The following BLTP1 variants were observed in gnomAD, a reference collection of about 807,000 sequenced individuals.
BLTP1 encodes the protein bridge-like lipid transfer protein family member 1.
chr4:122,268,788 T>TC, the BLTP1 span, among the ~76,000 whole-genome samples: 1 of 152,174 alleles, frequency 6.6e-6, no homozygotes, highest in Non-Finnish European at 1.5e-5. Flanking sequence ...TAACTACATA[T>TC]TGTGCTTTCT....
At chr4:122,154,582 T>C in the BLTP1 span, among the ~76,000 whole-genome samples, 1 of 152,014 alleles carries the variant, frequency 6.6e-6, no homozygotes, top group Admixed American at 6.6e-5. Flanking sequence ...TAAGAAGAAA[T>C]TGAGAAAATG....
chr4:122,264,300 C>A, the BLTP1 span: 1 of 1,609,196 alleles, frequency 6.2e-7, no homozygotes, highest in Admixed American at 1.7e-5. Flanking sequence ...GATTTCAACA[C>A]TGTCTTGTCT....
the BLTP1 span, among the ~76,000 whole-genome samples, chr4:122,350,581 TATATA>T: frequency 6.6e-6 from 1 of 152,126 alleles, no homozygotes; most frequent in African/African-American, 2.4e-5. Flanking sequence ...ACTAACTAAA[TATATA>T]AGATAATTTC....
the BLTP1 span, among the ~76,000 whole-genome samples, chr4:122,327,693 C>G: frequency 6.6e-6 from 1 of 151,606 alleles, no homozygotes; most frequent in South Asian, 2.1e-4. Context: ...TTAAAAGATC[C>G]ACAAAAAGCA....
the BLTP1 span, chr4:122,313,602 C>A: frequency 6.4e-7 from 1 of 1,557,434 alleles, no homozygotes; most frequent in South Asian, 1.2e-5. Context: ...TTATTGAAAA[C>A]TATTTTTGGG....
chr4:122,291,013 TA>T, the BLTP1 span: 1 of 654,116 alleles, frequency 1.5e-6, no homozygotes. Context: ...AAGCCTCTCT[TA>T]AGGTAGTTTT....
the BLTP1 span, among the ~76,000 whole-genome samples, chr4:122,222,645 C>A: frequency 2.6e-5 from 4 of 152,026 alleles, no homozygotes; most frequent in Non-Finnish European, 4.4e-5. Flanking sequence ...GGTATTCACT[C>A]AAATTTCTGC....
At chr4:122,200,584 A>AAAAAC in the BLTP1 span, 6 of 225,116 alleles carry the variant, frequency 2.7e-5, no homozygotes, top group African/African-American at 3.4e-4. Context: ...GTCTCAAAAC[A>AAAAAC]AAAAAAAAAA....
the BLTP1 span, among the ~76,000 whole-genome samples, chr4:122,284,472 T>C: frequency 9.2e-5 from 14 of 152,288 alleles, no homozygotes; most frequent in East Asian, 2.5e-3. Flanking sequence ...TCAGATACTT[T>C]GTTCTGTATC....
the BLTP1 span, chr4:122,197,945 T>C: frequency 1.0e-6 from 1 of 983,180 alleles, no homozygotes; most frequent in Non-Finnish European, 1.2e-6. Context: ...GAAATTCTGC[T>C]TTATTTTCTT....
the BLTP1 span, chr4:122,298,765 C>T: frequency 1.5e-6 from 1 of 649,224 alleles, no homozygotes; most frequent in Admixed American, 6.3e-5. Flanking sequence ...ATGATTCGAA[C>T]TGATACTTGA....
chr4:122,292,864 C>T, the BLTP1 span: 1 of 172,492 alleles, frequency 5.8e-6, no homozygotes, highest in Admixed American at 6.5e-5. Flanking sequence ...TCATGGGTAT[C>T]AGGAGAGGTC....
chr4:122,251,410 C>G, the BLTP1 span: 1 of 874,548 alleles, frequency 1.1e-6, no homozygotes, highest in Non-Finnish European at 1.4e-6. Flanking sequence ...GGTATACTCA[C>G]CTTTACCCCC....
At chr4:122,297,932 C>T in the BLTP1 span, 1 of 153,018 alleles carries the variant, frequency 6.5e-6, no homozygotes, top group African/African-American at 2.4e-5. Context: ...GGGAGGGCAT[C>T]AGGAAGAATA....
At chr4:122,302,177 C>G in the BLTP1 span, 28 of 512,272 alleles carry the variant, frequency 5.5e-5, no homozygotes, top group South Asian at 8.6e-5. Context: ...GTATTCAATC[C>G]ATTGAATACT....
At chr4:122,173,417 C>G in the BLTP1 span, among the ~76,000 whole-genome samples, 4 of 152,094 alleles carry the variant, frequency 2.6e-5, no homozygotes, top group African/African-American at 9.7e-5. Context: ...GCTCAGGTCT[C>G]TTTTTCCTCT....
the BLTP1 span, among the ~76,000 whole-genome samples, chr4:122,308,626 G>A: frequency 2.0e-5 from 3 of 152,014 alleles, no homozygotes; most frequent in South Asian, 6.2e-4. Context: ...TCAAAGCAGT[G>A]TGCACATAAA....
the BLTP1 span, chr4:122,271,816 C>T: frequency 2.3e-6 from 2 of 861,320 alleles, no homozygotes; most frequent in Non-Finnish European, 3.5e-6. Flanking sequence ...TTCTTAATGT[C>T]GTAAGTGGAT....
chr4:122,307,198 A>G, the BLTP1 span, among the ~76,000 whole-genome samples: 2 of 152,102 alleles, frequency 1.3e-5, no homozygotes, highest in Non-Finnish European at 2.9e-5. Flanking sequence ...TTTCATATAC[A>G]CCATATACAC....
Sources: gnomAD v4.1 joint callset for allele counts (sites outside exome capture counted in the v4.1 genomes callset) on GRCh38, gnomAD v4.1.1 for gene constraint, MANE v1.5 for transcripts, NCBI Gene and HGNC (gene_info 2026-07-23, HGNC 2026-07-21) for gene names.